NSMCE2: variants seen among roughly 807,000 people sequenced by gnomAD.
NSMCE2 encodes E3 SUMO-protein ligase NSE2.
A neutral mutation model predicts 23.8 loss-of-function variants in NSMCE2; 24 were observed. That is an observed-to-expected ratio of 1.01 (90% CI 0.73 to 1.42). NSMCE2 has a LOEUF of 1.42. Ranked by LOEUF, NSMCE2 falls within the 40% of genes most tolerant of loss-of-function variation. The pLI, the probability that NSMCE2 is intolerant of heterozygous loss-of-function variation, is 0.00. For missense variants in NSMCE2, 284 were observed against 296.5 expected, an observed-to-expected ratio of 0.96 and a Z score of 0.31; for synonymous variants, 92 against 94.1, an observed-to-expected ratio of 0.98 and a Z score of 0.13.
At chr8:125,245,807 T>G (rs1393644463) in intron 5 of NSMCE2, among the ~76,000 whole-genome samples, 1 of 152,088 alleles carries the variant, frequency 6.6e-6, no homozygotes, top group East Asian at 1.9e-4. Flanking sequence ...GCCCAGGCAG[T>G]GGATCACCAG....
At chr8:125,154,623 G>C (rs1821214459) in intron 4 of NSMCE2, among the ~76,000 whole-genome samples, 1 of 151,926 alleles carries the variant, frequency 6.6e-6, no homozygotes, top group Non-Finnish European at 1.5e-5. Context: ...AAAACTTTCA[G>C]GTTAAATGGG....
intron 5 of NSMCE2, among the ~76,000 whole-genome samples, chr8:125,278,587 A>C (rs1827565631): frequency 1.3e-5 from 2 of 152,202 alleles, no homozygotes. Flanking sequence ...TACAGCGAAC[A>C]TGTTGATGAT....
intron 1 of NSMCE2, among the ~76,000 whole-genome samples, chr8:125,100,967 C>G (rs1215936205): frequency 6.6e-6 from 1 of 152,182 alleles, no homozygotes; most frequent in Non-Finnish European, 1.5e-5. Flanking sequence ...CTTAAGAGTG[C>G]TCATCTTGAA....
At chr8:125,182,599 G>A in intron 5 of NSMCE2, 1 of 359,956 alleles carries the variant, frequency 2.8e-6, no homozygotes, top group Admixed American at 4.8e-5. Context: ...GTTTTAAACT[G>A]CTGTGCCATG....
At chr8:125,199,058 G>A (rs376997418) in intron 5 of NSMCE2, among the ~76,000 whole-genome samples, 45 of 152,002 alleles carry the variant, frequency 3.0e-4, no homozygotes, top group African/African-American at 4.1e-4. Flanking sequence ...TTTTTATTGC[G>A]TCTGTATGAT....
chr8:125,341,953 G>A (rs1407124629), intron 5 of NSMCE2, among the ~76,000 whole-genome samples: 1 of 149,134 alleles, frequency 6.7e-6, no homozygotes, highest in Non-Finnish European at 1.5e-5. Flanking sequence ...TTACAGATTA[G>A]TGGGGGAAAC....
At chr8:125,294,169 A>G (rs897455988) in intron 5 of NSMCE2, among the ~76,000 whole-genome samples, 4 of 152,164 alleles carry the variant, frequency 2.6e-5, no homozygotes, top group African/African-American at 9.7e-5. Context: ...GTAACATTTC[A>G]TTATATGCAT....
chr8:125,151,763 ATCTTTG>A (rs1821044105), intron 4 of NSMCE2, among the ~76,000 whole-genome samples: 1 of 152,206 alleles, frequency 6.6e-6, no homozygotes, highest in African/African-American at 2.4e-5. Flanking sequence ...AGCCAAACTT[ATCTTTG>A]TTGACTCCAG....
chr8:125,273,996 G>C (rs1827336173), intron 5 of NSMCE2, among the ~76,000 whole-genome samples: 1 of 152,184 alleles, frequency 6.6e-6, no homozygotes, highest in Non-Finnish European at 1.5e-5. Flanking sequence ...CATAGCTTGT[G>C]CTGTGTTTAG....
intron 3 of NSMCE2, among the ~76,000 whole-genome samples, chr8:125,117,804 A>G (rs1819086112): frequency 6.6e-6 from 1 of 152,220 alleles, no homozygotes; most frequent in Non-Finnish European, 1.5e-5. Flanking sequence ...TGATGTCTTC[A>G]GAGTCTGGGA....
chr8:125,288,964 A>C (rs1828003175), intron 5 of NSMCE2, among the ~76,000 whole-genome samples: 1 of 151,764 alleles, frequency 6.6e-6, no homozygotes, highest in African/African-American at 2.4e-5. Flanking sequence ...TGCCCAGCTA[A>C]TTTTTTGACT....
At chr8:125,256,516 G>A (rs1461114013) in intron 5 of NSMCE2, among the ~76,000 whole-genome samples, 1 of 152,138 alleles carries the variant, frequency 6.6e-6, no homozygotes, top group Non-Finnish European at 1.5e-5. Context: ...GGAAATACAT[G>A]TCAAAAATTA....
At chr8:125,259,144 G>A (rs1181873748) in intron 5 of NSMCE2, among the ~76,000 whole-genome samples, 1 of 151,938 alleles carries the variant, frequency 6.6e-6, no homozygotes, top group African/African-American at 2.4e-5. Flanking sequence ...CAGGTGATCC[G>A]CCCACTTCAT....
intron 7 of NSMCE2, among the ~76,000 whole-genome samples, chr8:125,358,518 A>G (rs1237845943): frequency 1.3e-5 from 2 of 151,842 alleles, no homozygotes; most frequent in East Asian, 1.9e-4. Context: ...ACACACATAT[A>G]TATATCTCAC....
chr8:125,321,012 G>A (rs977768389), intron 5 of NSMCE2, among the ~76,000 whole-genome samples: 1 of 152,048 alleles, frequency 6.6e-6, no homozygotes, highest in South Asian at 2.1e-4. Flanking sequence ...TTCAACCACC[G>A]GATCTCACAA....
intron 4 of NSMCE2, among the ~76,000 whole-genome samples, chr8:125,165,538 T>C (rs1381223561): frequency 6.6e-6 from 1 of 152,208 alleles, no homozygotes; most frequent in African/African-American, 2.4e-5. Context: ...GATATTATCT[T>C]ACAGTGCAAC....
chr8:125,217,551 A>G (rs1202579490), intron 5 of NSMCE2, among the ~76,000 whole-genome samples: 1 of 152,060 alleles, frequency 6.6e-6, no homozygotes, highest in Non-Finnish European at 1.5e-5. Context: ...TATTTTTAAT[A>G]GAGACAGGGT....
chr8:125,321,376 G>C (rs1307428861), intron 5 of NSMCE2, among the ~76,000 whole-genome samples: 2 of 152,162 alleles, frequency 1.3e-5, no homozygotes, highest in Admixed American at 6.5e-5. Context: ...AAGGCTAGCA[G>C]GGAGAAATGG....
intron 5 of NSMCE2, among the ~76,000 whole-genome samples, chr8:125,234,769 A>G (rs1041570828): frequency 6.6e-6 from 1 of 152,036 alleles, no homozygotes. Flanking sequence ...CTCAATGTAA[A>G]CTTGGAGCTA....
Sources: allele counts gnomAD v4.1 joint callset (sites outside exome capture counted in the v4.1 genomes callset), GRCh38; gene constraint gnomAD v4.1.1; transcripts MANE v1.5; gene names NCBI Gene and HGNC (gene_info 2026-07-23, HGNC 2026-07-21).